Variants in CD163L1 observed in about 807,000 individuals in gnomAD.
CD163L1 encodes CD163 molecule like 1, also known as scavenger receptor cysteine-rich type 1 protein M160.
In CD163L1, 124 loss-of-function variants were observed where a neutral mutation model predicts 165.4. The ratio of observed to expected loss-of-function variants is 0.75; its 90% CI spans 0.65 to 0.87. The LOEUF is 0.87. Among genes scored for constraint, CD163L1 ranks in the 40% least tolerant of loss-of-function variants. CD163L1 has a pLI of 0.00. For missense variants in CD163L1, 1,525 were observed against 1,799.9 expected (o/e 0.85, Z 2.76); for synonymous variants, 585 against 662.2 (o/e 0.88, Z 1.79).
At chr12:7,337,569 A>G in the CD163L1 span, among the ~76,000 whole-genome samples, 2 of 151,968 alleles carry the variant, frequency 1.3e-5, no homozygotes, top group Non-Finnish European at 2.9e-5. Context: ...ATACCAAAAA[A>G]AGATCATCAC....
chr12:7,327,581 A>G, the CD163L1 span, among the ~76,000 whole-genome samples: 1 of 152,232 alleles, frequency 6.6e-6, no homozygotes, highest in Non-Finnish European at 1.5e-5. Flanking sequence ...GAACAATACT[A>G]CGTAAATACA....
intron 8 of CD163L1, among the ~76,000 whole-genome samples, chr12:7,385,943 A>G (rs1003603060): frequency 1.3e-5 from 2 of 152,100 alleles, no homozygotes; most frequent in African/African-American, 4.8e-5. Flanking sequence ...ACAACACACT[A>G]GAAAAGCAAG....
chr12:7,395,892 C>T (rs1205868606), intron 8 of CD163L1, among the ~76,000 whole-genome samples: 1 of 152,018 alleles, frequency 6.6e-6, no homozygotes, highest in Non-Finnish European at 1.5e-5. Flanking sequence ...GGGTAGATAT[C>T]AGAAAATGAA....
intron 8 of CD163L1, among the ~76,000 whole-genome samples, chr12:7,390,852 G>A (rs756960075): frequency 1.3e-5 from 2 of 152,142 alleles, no homozygotes; most frequent in Admixed American, 6.5e-5. Flanking sequence ...TACTACATGG[G>A]TGGTTGTATA....
chr12:7,329,057 T>C, the CD163L1 span, among the ~76,000 whole-genome samples: 1 of 148,214 alleles, frequency 6.7e-6, no homozygotes, highest in Non-Finnish European at 1.5e-5. Context: ...TATATACATA[T>C]GTATATATCT....
the CD163L1 span, among the ~76,000 whole-genome samples, chr12:7,333,039 A>G: frequency 6.6e-6 from 1 of 152,076 alleles, no homozygotes; most frequent in Non-Finnish European, 1.5e-5. Context: ...CAGGAAACCC[A>G]TCTCACCTGA....
rs376773868 is a variant in CD163L1, at chr12:7,367,214, C to A, written c.4279+22G>T. On this transcript the variant is annotated intron_variant, in intron 18 of 19. Coordinates refer to ENST00000313599, the MANE Select transcript of CD163L1 (RefSeq NM_174941.6). ...ATATTCCCACCCTCTCCATGGAGTG[C>A]GGCCCCTGGAGTTGCACAGACCTGA... The A allele has an allele frequency of 4.0e-6, 6 of 1,485,936 alleles. No individual in the cohort carries two copies. The East Asian group carries it at 6.8e-5, about 17-fold the overall frequency. The allele number at this position is 1,485,936 out of a possible 1,614,324, so 92.0% of individuals were successfully genotyped here.
rs1459988575 is a variant in CD163L1, at chr12:7,417,557, A to T, written c.767-10705T>A. 2.0e-5 allele frequency among the ~76,000 whole-genome samples: 3 copies of T among 152,164 alleles called. No individual in the cohort carries two copies. The East Asian group carries it at 5.8e-4, about 29-fold the overall frequency. On this transcript the variant is annotated intron_variant, in intron 4 of 19. Transcript: ENST00000313599. ...GATATTGGCTATGGGTTTGTCATAA[A>T]TAGCTCTTATTATTTTGAGATACAT...
intron 18 of CD163L1, among the ~76,000 whole-genome samples, chr12:7,365,598 G>A (rs972993557): frequency 2.0e-5 from 3 of 152,016 alleles, no homozygotes; most frequent in Admixed American, 6.6e-5. Flanking sequence ...TAAAAAATGG[G>A]TGAAAGAACT....
At chr12:7,385,617 CA>C (rs1437342220) in intron 8 of CD163L1, among the ~76,000 whole-genome samples, 2 of 151,854 alleles carry the variant, frequency 1.3e-5, no homozygotes, top group Non-Finnish European at 2.9e-5. Flanking sequence ...GGCCACAAAA[CA>C]AGTCTCAACA....
chr12:7,324,330 A>G, the CD163L1 span: 1 of 1,613,962 alleles, frequency 6.2e-7, no homozygotes, highest in African/African-American at 1.3e-5. Context: ...CACTGGAGAC[A>G]GAGGAGTGAT....
downstream of CD163L1, among the ~76,000 whole-genome samples, chr12:7,353,194 G>A (rs745624558): frequency 1.1e-4 from 16 of 151,842 alleles, no homozygotes; most frequent in Non-Finnish European, 2.1e-4. Flanking sequence ...TTTATAAAAA[G>A]GCTAAATAGT....
At chr12:7,335,462 C>T in the CD163L1 span, among the ~76,000 whole-genome samples, 1 of 152,126 alleles carries the variant, frequency 6.6e-6, no homozygotes, top group Non-Finnish European at 1.5e-5. Flanking sequence ...GAAACTGGAT[C>T]CCTTCCTTAC....
chr12:7,425,873 G>A (rs1948532515), intron 4 of CD163L1, among the ~76,000 whole-genome samples: 1 of 152,160 alleles, frequency 6.6e-6, no homozygotes, highest in Admixed American at 6.6e-5. Context: ...AACCATTGTG[G>A]AAGACTGTGG....
downstream of CD163L1, among the ~76,000 whole-genome samples, chr12:7,342,311 A>G (rs1946642528): frequency 6.6e-6 from 1 of 152,222 alleles, no homozygotes; most frequent in Admixed American, 6.5e-5. Context: ...CAATAGCATG[A>G]ACATCTGTGC....
intron 2 of CD163L1, 143 bp from the exon 3 acceptor site, chr12:7,433,837 T>C: frequency 1.6e-6 from 1 of 618,416 alleles, no homozygotes; most frequent in South Asian, 3.7e-5. Context: ...AATGAGAAAA[T>C]TTGAAGTGAG....
chr12:7,386,971 C>G lies in CD163L1; in HGVS notation c.2051-7673G>C, dbSNP rs189306336. 3.9e-5 allele frequency among the ~76,000 whole-genome samples: 6 copies of G among 152,152 alleles called. No individual in the cohort carries two copies. The South Asian group carries it at 1.2e-3, about 32-fold the overall frequency. ...TTTAACATAGTACTGGAAGTCCTAG[C>G]CAGAGCAATCAGACAAGACAAAGAA... On this transcript the variant is annotated intron_variant, in intron 8 of 19. Transcript: ENST00000313599.
At position 7,374,644 on chromosome 12, in the gene CD163L1, A is replaced by G; in HGVS notation, c.3207T>C (p.Asp1069=). Residue 1069 remains aspartate (D), a synonymous_variant, in exon 13 of 20, where the codon GAT becomes GAC. Coordinates refer to ENST00000313599, the MANE Select transcript of CD163L1 (RefSeq NM_174941.6). This position sits in a 1 kb window ranked among gnomAD's most constrained non-coding sequence, Gnocchi z 5.4. ...TICDDGWDLS[D]AHVVCQKLGC... ...CCAGCTTTTGACACACCACGTGGGC[A>G]TCGCTCAGGTCCCAGCCGTCATCAC... 2 of 1,614,244 alleles carry G rather than the reference A, an allele frequency of 1.2e-6. No homozygotes were observed. Among genetic ancestry groups the G allele is most frequent in the Non-Finnish European group, 1.7e-6 (2 of 1,180,038 alleles).
chr12:7,405,706 T>C (rs929868790), intron 5 of CD163L1, among the ~76,000 whole-genome samples: 2 of 152,190 alleles, frequency 1.3e-5, no homozygotes, highest in African/African-American at 4.8e-5. Context: ...GATTAAGGCA[T>C]CCTGTGTAAG....
Sources: gnomAD v4.1 joint callset for allele counts (sites outside exome capture counted in the v4.1 genomes callset) on GRCh38, gnomAD v4.1.1 for gene constraint, Gnocchi (gnomAD v3.1) non-coding constraint, MANE v1.5 for transcripts, NCBI Gene and HGNC (gene_info 2026-07-23, HGNC 2026-07-21) for gene names.